Variants in ANKS1B observed in about 807,000 individuals in gnomAD.
ANKS1B encodes ankyrin repeat and sterile alpha motif domain-containing protein 1B.
A neutral mutation model predicts 148.3 loss-of-function variants in ANKS1B; 36 were observed. The observed-to-expected ratio is 0.24, with a 90% CI of 0.19 to 0.32. ANKS1B has a LOEUF of 0.32. Ranked by LOEUF, ANKS1B falls within the 10% of genes least tolerant of loss-of-function variation. The pLI, the probability that ANKS1B is intolerant of heterozygous loss-of-function variation, is 1.00. For synonymous variants in ANKS1B, 542 were observed against 560.8 expected, an observed-to-expected ratio of 0.97 and a Z score of 0.47; for missense variants, 1,157 against 1,542.6, an observed-to-expected ratio of 0.75 and a Z score of 4.19.
Position 99,127,362 on chromosome 12 carries a change from G to T in ANKS1B, c.2526+26927C>A, listed in dbSNP as rs931102044. Among the ~76,000 whole-genome samples the T allele has an allele frequency of 1.6e-4, 25 of 151,972 alleles. 1 individual carries two copies. The highest frequency in any genetic ancestry group is 1.3e-3 in the Admixed American group (20 of 15,240). On this transcript the variant is annotated intron_variant, in intron 15 of 26. Transcript: ENST00000683438. ...TACTTTTTTTTTTAAAGCCTGACAGGAATGATGCTTCCAGATTCTGAGATG... is the reference window on the plus strand; with the variant it reads ...TACTTTTTTTTTTAAAGCCTGACAGTAATGATGCTTCCAGATTCTGAGATG...
At chr12:98,985,307 G>C (rs1156322449) in intron 17 of ANKS1B, among the ~76,000 whole-genome samples, 1 of 152,060 alleles carries the variant, frequency 6.6e-6, no homozygotes, top group East Asian at 1.9e-4. Context: ...GCAGAGAAGA[G>C]ATCTTGCTAT....
At chr12:99,757,092 T>G (rs541682588) in intron 8 of ANKS1B, among the ~76,000 whole-genome samples, 3 of 151,934 alleles carry the variant, frequency 2.0e-5, no homozygotes, top group Non-Finnish European at 4.4e-5. Context: ...AAGCAAAAAT[T>G]GACAAATGGG....
At chr12:99,467,286 A>T (rs1232316952) in intron 10 of ANKS1B, among the ~76,000 whole-genome samples, 1 of 152,196 alleles carries the variant, frequency 6.6e-6, no homozygotes, top group African/African-American at 2.4e-5. Context: ...GATGGGTTGT[A>T]TCGCAAAATA....
intron 12 of ANKS1B, among the ~76,000 whole-genome samples, chr12:99,355,374 C>T (rs529473179): frequency 6.6e-6 from 1 of 152,168 alleles, no homozygotes; most frequent in Admixed American, 6.6e-5. Context: ...GAAGTATTTG[C>T]AGTCTTATTC....
intron 9 of ANKS1B, among the ~76,000 whole-genome samples, chr12:99,513,588 T>C (rs566564892): frequency 1.4e-4 from 21 of 152,218 alleles, no homozygotes; most frequent in African/African-American, 5.1e-4. Flanking sequence ...TTGTTCCCTA[T>C]CAGTAATCAA....
At chr12:99,389,477 C>A (rs1415809712) in intron 12 of ANKS1B, among the ~76,000 whole-genome samples, 6 of 152,184 alleles carry the variant, frequency 3.9e-5, no homozygotes, top group Non-Finnish European at 8.8e-5. Flanking sequence ...CTCTTTTCCT[C>A]CTTTTGTTTT....
intron 1 of ANKS1B, among the ~76,000 whole-genome samples, chr12:99,971,457 T>C (rs775485144): frequency 1.3e-5 from 2 of 152,206 alleles, no homozygotes; most frequent in Non-Finnish European, 1.5e-5. Flanking sequence ...CAGAGATAAT[T>C]CTGTAAGTAA....
chr12:99,656,407 G>A (rs1303919893), intron 8 of ANKS1B, among the ~76,000 whole-genome samples: 1 of 152,046 alleles, frequency 6.6e-6, no homozygotes, highest in Non-Finnish European at 1.5e-5. Context: ...TCATATATTT[G>A]AGAAAAACCT....
intron 8 of ANKS1B, among the ~76,000 whole-genome samples, chr12:99,725,452 A>C (rs748279790): frequency 3.9e-5 from 6 of 152,254 alleles, no homozygotes; most frequent in Non-Finnish European, 5.9e-5. Context: ...AAGAAGAGCT[A>C]ACTATCCTAA....
intron 9 of ANKS1B, among the ~76,000 whole-genome samples, chr12:99,638,675 C>T (rs1031649074): frequency 4.6e-5 from 7 of 152,158 alleles, no homozygotes; most frequent in Non-Finnish European, 8.8e-5. Flanking sequence ...CAGAAATTCA[C>T]ATAAGTCACA....
chr12:99,405,780 A>G lies in ANKS1B; in HGVS notation c.1576-5969T>C, dbSNP rs1233697234. Among the ~76,000 whole-genome samples, 8 of 144,764 alleles carry G rather than the reference A, an allele frequency of 5.5e-5. 1 individual carries two copies. The highest frequency in any genetic ancestry group is 2.1e-4 in the African/African-American group (8 of 38,196). The allele number at this position is 144,764 out of a possible 152,430, so 95.0% of individuals were successfully genotyped here. ...TTAAAAAAAAAAGACCCAACAATCT[A>G]TTGCCTGCAAGAAATACACTTCACC... is the stretch of plus-strand genomic sequence containing the variant. On this transcript the variant is annotated intron_variant, in intron 11 of 26. Transcript: ENST00000683438.
intron 15 of ANKS1B, among the ~76,000 whole-genome samples, chr12:99,126,707 T>C (rs933436242): frequency 6.6e-6 from 1 of 152,178 alleles, no homozygotes; most frequent in Non-Finnish European, 1.5e-5. Context: ...GCACTCTACT[T>C]ATTTCCAAGA....
chr12:98,979,354 G>C (rs967611161), intron 17 of ANKS1B, among the ~76,000 whole-genome samples: 1 of 151,110 alleles, frequency 6.6e-6, no homozygotes, highest in Admixed American at 6.6e-5. Context: ...TGCAACCCCC[G>C]CCTCCCGGGT....
chr12:99,177,024 T>G (rs1601422729), intron 14 of ANKS1B, among the ~76,000 whole-genome samples: 1 of 152,172 alleles, frequency 6.6e-6, no homozygotes, highest in East Asian at 1.9e-4. Flanking sequence ...TCCAAAATCA[T>G]TTTTTTCACA....
chr12:99,864,910 T>C (rs1048977914), intron 1 of ANKS1B, among the ~76,000 whole-genome samples: 12 of 152,222 alleles, frequency 7.9e-5, no homozygotes, highest in African/African-American at 2.9e-4. Flanking sequence ...CAGAGAACAA[T>C]TGCAGCTTTC....
chr12:99,411,673 T>C (rs965877553), intron 11 of ANKS1B, among the ~76,000 whole-genome samples: 1 of 152,228 alleles, frequency 6.6e-6, no homozygotes, highest in African/African-American at 2.4e-5. Flanking sequence ...ATCCACTGAT[T>C]TGAAATGTCA....
At chr12:99,652,009 A>G (rs2098422886) in intron 9 of ANKS1B, among the ~76,000 whole-genome samples, 1 of 151,442 alleles carries the variant, frequency 6.6e-6, no homozygotes, top group African/African-American at 2.4e-5. Context: ...ATTCTTTAAT[A>G]TATTTTGCAA....
chr12:99,670,359 G>A (rs2098531189), intron 8 of ANKS1B, among the ~76,000 whole-genome samples: 1 of 152,026 alleles, frequency 6.6e-6, no homozygotes, highest in Non-Finnish European at 1.5e-5. Flanking sequence ...CCTGTAATAT[G>A]AGAGTTATTC....
chr12:98,936,762 AGTAATGTTTT>A (rs1043488719), intron 17 of ANKS1B, among the ~76,000 whole-genome samples: 18 of 152,118 alleles, frequency 1.2e-4, no homozygotes, highest in Admixed American at 1.2e-3. Context: ...ATTTAATCCC[AGTAATGTTTT>A]ATAGTCATTT....
Sources: allele counts gnomAD v4.1 joint callset (sites outside exome capture counted in the v4.1 genomes callset), GRCh38; gene constraint gnomAD v4.1.1; transcripts MANE v1.5; gene names NCBI Gene and HGNC (gene_info 2026-07-23, HGNC 2026-07-21).